The following PIAS1 variants were observed in gnomAD, a reference collection of about 807,000 sequenced individuals.
The protein encoded by PIAS1 is protein inhibitor of activated STAT 1.
PIAS1 carries 6 observed loss-of-function variants against 71.3 expected under a neutral mutation model. The observed-to-expected ratio is 0.08, with a 90% confidence interval of 0.05 to 0.17. PIAS1 has a LOEUF of 0.17. PIAS1 is among the 10% of genes least tolerant of loss of function. PIAS1 has a pLI of 1.00. For missense variants in PIAS1, 555 were observed against 793.6 expected (o/e 0.70, Z 3.61); for synonymous variants, 303 against 292.9 (o/e 1.03, Z -0.35).
In PIAS1 at chr15:68,125,770, C is replaced by T. The variant is rs1003478134; in HGVS notation, c.470-16176C>T. Among the ~76,000 whole-genome samples, 6 of 151,924 alleles carry T rather than the reference C, an allele frequency of 3.9e-5. No homozygotes were observed. The South Asian group carries it at 8.3e-4, about 21-fold the overall frequency. ...GGCTGGAGTACAGTGGCATGATTAT[C>T]GCTCACTGCAGCCTCAAACTCCTGA... On this transcript the variant is annotated intron_variant, in intron 2 of 13. Transcript: ENST00000249636.
Position 68,187,526 on chromosome 15 carries a change from T to C in PIAS1, c.1663-16T>C, listed in dbSNP as rs1023545998. Reference sequence around the variant, plus strand: ...GTATAATTAACATTTTTGTGTCTTTTGTTTCCCCTCCCTAGCATTACAACA... The same window carrying C: ...GTATAATTAACATTTTTGTGTCTTTCGTTTCCCCTCCCTAGCATTACAACA... On this transcript the variant is annotated splice_polypyrimidine_tract_variant and intron_variant, in intron 13 of 13. Transcript: ENST00000249636. The surrounding 1 kb of genome is among the most constrained non-coding windows in gnomAD (Gnocchi z 5.3). 1 of 1,607,152 alleles carries C rather than the reference T, an allele frequency of 6.2e-7. No homozygotes were observed. The highest frequency in any genetic ancestry group is 8.5e-7 in the Non-Finnish European group (1 of 1,174,636).
intron 1 of PIAS1, among the ~76,000 whole-genome samples, chr15:68,078,341 GAT>G (rs920456212): frequency 1.3e-5 from 2 of 152,110 alleles, no homozygotes; most frequent in African/African-American, 4.8e-5. Flanking sequence ...CTTACATGTA[GAT>G]AAATCCTGCG....
chr15:68,100,868 A>G (rs369254246), intron 2 of PIAS1, among the ~76,000 whole-genome samples: 25 of 149,486 alleles, frequency 1.7e-4, no homozygotes, highest in East Asian at 7.9e-4. Context: ...GTATAGTGAT[A>G]TCTCATTGTG....
rs1015136998 is a variant in PIAS1, at chr15:68,171,010, G to A, written c.1009-2722G>A. Among the ~76,000 whole-genome samples the A allele has an allele frequency of 1.3e-5, 2 of 151,248 alleles. No individual in the cohort carries two copies. The highest frequency in any genetic ancestry group is 3.0e-5 in the Non-Finnish European group (2 of 67,734). ...TTGACTCTTGTAATAACAACACTTA[G>A]CTTAAAACACAAGCACATTGTACAG... On this transcript the variant is annotated intron_variant, in intron 8 of 13. Coordinates refer to ENST00000249636, the MANE Select transcript of PIAS1 (RefSeq NM_016166.3). This position sits in a 1 kb window ranked among gnomAD's most constrained non-coding sequence, Gnocchi z 4.4.
intron 1 of PIAS1, among the ~76,000 whole-genome samples, chr15:68,076,379 C>T (rs2092164857): frequency 6.6e-6 from 1 of 151,980 alleles, no homozygotes; most frequent in Non-Finnish European, 1.5e-5. Context: ...TGGTGGCATG[C>T]ACCTGTAGTC....
At chr15:68,055,780 A>C (rs2091889603) in intron 1 of PIAS1, 1 of 570,126 alleles carries the variant, frequency 1.8e-6, no homozygotes, top group East Asian at 2.9e-5. Context: ...CCCCGTTATA[A>C]TGAAACGACA....
chr15:68,095,217 C>T (rs912767907), intron 2 of PIAS1, among the ~76,000 whole-genome samples: 7 of 151,806 alleles, frequency 4.6e-5, no homozygotes, highest in Admixed American at 1.3e-4. Context: ...TTACTGGGAT[C>T]GAATTTAAAG....
intron 6 of PIAS1, 75 bp from the exon 7 acceptor site, chr15:68,153,515 T>C (rs2092864038): frequency 3.0e-6 from 2 of 676,794 alleles, no homozygotes; most frequent in Admixed American, 2.8e-5. Flanking sequence ...TTTCTTTCCC[T>C]ATCATGGTGA....
rs894277101 is a variant in PIAS1, at chr15:68,109,763, G to A, written c.469+23013G>A. ...CTTTTTGGCCTAGACTTGAAAGTTG[G>A]TCATATGTTCCAAGTCTGAAACTAG... On this transcript the variant is annotated intron_variant, in intron 2 of 13. Transcript: ENST00000249636. Among the ~76,000 whole-genome samples the A allele has an allele frequency of 3.3e-5, 5 of 152,286 alleles. No individual in the cohort carries two copies. The East Asian group carries it at 7.7e-4, about 23-fold the overall frequency.
chr15:68,156,579 T>C (rs1337413083), intron 7 of PIAS1, among the ~76,000 whole-genome samples: 2 of 151,858 alleles, frequency 1.3e-5, no homozygotes, highest in Non-Finnish European at 2.9e-5. Context: ...CATGGTGGCA[T>C]GTGCCTGTAG....
At chr15:68,132,521 A>C (rs1213391336) in intron 2 of PIAS1, among the ~76,000 whole-genome samples, 6 of 152,004 alleles carry the variant, frequency 3.9e-5, no homozygotes, top group Non-Finnish European at 5.9e-5. Context: ...CAAATTTTAC[A>C]GCAAAGAAGT....
At chr15:68,096,758 A>C (rs2092379240) in intron 2 of PIAS1, among the ~76,000 whole-genome samples, 1 of 151,934 alleles carries the variant, frequency 6.6e-6, no homozygotes, top group Non-Finnish European at 1.5e-5. Context: ...TTGTGTGTCG[A>C]TTTTGTATCC....
intron 2 of PIAS1, among the ~76,000 whole-genome samples, chr15:68,088,176 G>GTATATATATATATATATATATATATA (rs71455574): frequency 4.5e-4 from 33 of 72,980 alleles, no homozygotes; most frequent in African/African-American, 6.8e-4. Flanking sequence ...TTATGTGTGT[G>GTATATATATATATATATATATATATA]TATATATATA....
intron 2 of PIAS1, among the ~76,000 whole-genome samples, chr15:68,118,311 T>C (rs2092582813): frequency 8.0e-6 from 1 of 124,572 alleles, no homozygotes; most frequent in Non-Finnish European, 1.8e-5. Flanking sequence ...ACAGAACGAG[T>C]GTCTGTCTCA....
chr15:68,140,726 G>A (rs922666768), intron 2 of PIAS1, among the ~76,000 whole-genome samples: 2 of 152,104 alleles, frequency 1.3e-5, no homozygotes, highest in African/African-American at 4.8e-5. Context: ...TAAAGGAAGT[G>A]TTTCTTGCAA....
intron 11 of PIAS1, among the ~76,000 whole-genome samples, chr15:68,179,587 T>TTTTTTTTTTTTTTTTTTTTTTTTC (rs2093041226): frequency 7.9e-6 from 1 of 126,676 alleles, no homozygotes; most frequent in Non-Finnish European, 1.6e-5. Context: ...TTTTTTTTTT[T>TTTTTTTTTTTTTTTTTTTTTTTTC]TTTTTGAGAC....
At chr15:68,125,569 T>C (rs2092644486) in intron 2 of PIAS1, among the ~76,000 whole-genome samples, 2 of 152,234 alleles carry the variant, frequency 1.3e-5, no homozygotes. Context: ...CCATACTTTA[T>C]TTGATAATTT....
At chr15:68,134,775 T>C (rs57253335) in intron 2 of PIAS1, among the ~76,000 whole-genome samples, 4 of 29,174 alleles carry the variant, frequency 1.4e-4, no homozygotes, top group East Asian at 1.1e-3. Context: ...GGCTCCTCAC[T>C]TCCCAGTAGG....
rs757663855 is a variant in PIAS1, at chr15:68,166,335, GT to G, written c.1008+1538del. Among the ~76,000 whole-genome samples the G allele has an allele frequency of 3.6e-3, 541 of 151,044 alleles. 2 individuals carry two copies. The highest frequency in any genetic ancestry group is 4.4e-3 in the South Asian group (21 of 4,780). On this transcript the variant is annotated intron_variant, in intron 8 of 13. Coordinates refer to ENST00000249636, the MANE Select transcript of PIAS1 (RefSeq NM_016166.3). ...ACTGGTGTGGGTTTTTGTGTGTGTG[GT>G]TTTTTTGTTTTTTTATTTTTTTTTT...
Sources: allele counts gnomAD v4.1 joint callset (sites outside exome capture counted in the v4.1 genomes callset), GRCh38; gene constraint gnomAD v4.1.1; non-coding constraint Gnocchi (gnomAD v3.1); transcripts MANE v1.5; gene names NCBI Gene and HGNC (gene_info 2026-07-23, HGNC 2026-07-21).